Variants in VWC2L observed in about 807,000 individuals in gnomAD.
VWC2L encodes von Willebrand factor C domain containing 2 like, also known as von Willebrand factor C domain-containing protein 2-like.
In VWC2L, 10 loss-of-function variants were observed where a neutral mutation model predicts 21.6. That is an observed-to-expected ratio of 0.46 (90% CI 0.29 to 0.78). The LOEUF (loss-of-function observed/expected upper bound fraction) is 0.78. Ranked by LOEUF, VWC2L falls within the 30% of genes least tolerant of loss-of-function variation. VWC2L has a pLI of 0.10. For synonymous variants in VWC2L, 96 were observed against 94.3 expected, an observed-to-expected ratio of 1.02 and a Z score of -0.10; for missense variants, 209 against 277.1, an observed-to-expected ratio of 0.75 and a Z score of 1.74.
At chr2:214,452,269 C>G (rs1371671787) in intron 3 of VWC2L, among the ~76,000 whole-genome samples, 1 of 152,198 alleles carries the variant, frequency 6.6e-6, no homozygotes, top group African/African-American at 2.4e-5. Context: ...GATCCTCCCA[C>G]CTCAGCCTCC....
At chr2:214,474,991 G>C (rs562508270) in intron 3 of VWC2L, among the ~76,000 whole-genome samples, 2 of 152,244 alleles carry the variant, frequency 1.3e-5, no homozygotes, top group East Asian at 3.9e-4. Context: ...GAGAGAATTA[G>C]GAATCTGGTT....
chr2:214,466,612 C>T (rs921918890), intron 3 of VWC2L, among the ~76,000 whole-genome samples: 4 of 152,164 alleles, frequency 2.6e-5, no homozygotes, highest in Non-Finnish European at 4.4e-5. Flanking sequence ...TTAAAATTGT[C>T]CCATGGTTTA....
intron 2 of VWC2L, among the ~76,000 whole-genome samples, chr2:214,422,011 T>A (rs984369378): frequency 1.4e-5 from 2 of 145,668 alleles, no homozygotes; most frequent in Non-Finnish European, 3.0e-5. Context: ...TGCCTCAGCC[T>A]CCCATGTAGC....
chr2:214,520,299 T>C (rs1215430533), intron 3 of VWC2L, among the ~76,000 whole-genome samples: 1 of 152,304 alleles, frequency 6.6e-6, no homozygotes, highest in Admixed American at 6.5e-5. Context: ...CTATGTAACA[T>C]CATGTCAAAA....
At chr2:214,478,929 C>T (rs1398501539) in intron 3 of VWC2L, among the ~76,000 whole-genome samples, 1 of 152,184 alleles carries the variant, frequency 6.6e-6, no homozygotes, top group East Asian at 1.9e-4. Context: ...TATTTCAAAG[C>T]TCTCACTTCT....
At chr2:214,495,587 C>T (rs576333750) in intron 3 of VWC2L, among the ~76,000 whole-genome samples, 22 of 152,194 alleles carry the variant, frequency 1.4e-4, no homozygotes, top group South Asian at 1.0e-3. Flanking sequence ...TCAGCAGATC[C>T]CTTAGTCTAT....
At chr2:214,496,386 C>G (rs1428752532) in intron 3 of VWC2L, among the ~76,000 whole-genome samples, 1 of 152,082 alleles carries the variant, frequency 6.6e-6, no homozygotes, top group Non-Finnish European at 1.5e-5. Context: ...TTTAAACTCA[C>G]AATAATAGGC....
chr2:214,463,496 G>T (rs1703171660), intron 3 of VWC2L, among the ~76,000 whole-genome samples: 1 of 151,800 alleles, frequency 6.6e-6, no homozygotes, highest in African/African-American at 2.4e-5. Context: ...ATATAGTTGG[G>T]TCTTTCTTTT....
At chr2:214,507,236 G>A (rs1296377893) in intron 3 of VWC2L, among the ~76,000 whole-genome samples, 8 of 152,080 alleles carry the variant, frequency 5.3e-5, no homozygotes, top group Non-Finnish European at 1.0e-4. Context: ...ATTGTTAAGG[G>A]AATCTCTAAT....
chr2:214,447,035 G>A (rs1223654434), intron 3 of VWC2L, among the ~76,000 whole-genome samples: 1 of 152,046 alleles, frequency 6.6e-6, no homozygotes, highest in Non-Finnish European at 1.5e-5. Context: ...CTGATTTCTA[G>A]GATTGTAGAC....
chr2:214,473,043 A>AT (rs531547831), intron 3 of VWC2L, among the ~76,000 whole-genome samples: 450 of 152,318 alleles, frequency 3.0e-3, no homozygotes, highest in Non-Finnish European at 5.0e-3. Context: ...GTTTAGAATT[A>AT]TTTTTGTGAA....
At chr2:214,446,278 C>T (rs1456722276) in intron 3 of VWC2L, among the ~76,000 whole-genome samples, 1 of 152,302 alleles carries the variant, frequency 6.6e-6, no homozygotes, top group Admixed American at 6.5e-5. Context: ...TCAAAGTCTG[C>T]ATCTCTACAA....
intron 3 of VWC2L, among the ~76,000 whole-genome samples, chr2:214,514,235 G>A (rs1689105158): frequency 6.6e-6 from 1 of 150,472 alleles, no homozygotes; most frequent in Admixed American, 6.6e-5. Flanking sequence ...TCATCTAACA[G>A]TAATCTCTGT....
chr2:214,452,754 C>G (rs1273957217), intron 3 of VWC2L, among the ~76,000 whole-genome samples: 1 of 152,076 alleles, frequency 6.6e-6, no homozygotes, highest in East Asian at 1.9e-4. Context: ...TTGGAATTAC[C>G]AGTCTTGTTT....
intron 3 of VWC2L, among the ~76,000 whole-genome samples, chr2:214,453,329 T>C (rs981936447): frequency 6.6e-6 from 1 of 152,238 alleles, no homozygotes; most frequent in East Asian, 1.9e-4. Flanking sequence ...AAGACAACTA[T>C]TCCTTCTCCA....
chr2:214,545,800 A>C (rs1384200895), intron 3 of VWC2L, among the ~76,000 whole-genome samples: 3 of 152,186 alleles, frequency 2.0e-5, no homozygotes, highest in Non-Finnish European at 4.4e-5. Flanking sequence ...CCACAGAGGC[A>C]ACCATAATAT....
chr2:214,539,107 G>A (rs1689587212), intron 3 of VWC2L, among the ~76,000 whole-genome samples: 1 of 152,076 alleles, frequency 6.6e-6, no homozygotes, highest in Admixed American at 6.6e-5. Context: ...AAAAGGCAAC[G>A]TGATGGTGCT....
At chr2:214,565,602 A>G (rs1027821602) in intron 3 of VWC2L, among the ~76,000 whole-genome samples, 4 of 152,208 alleles carry the variant, frequency 2.6e-5, no homozygotes, top group African/African-American at 9.7e-5. Context: ...CATGACATGA[A>G]CAAGATTAAT....
chr2:214,538,437 A>G (rs1185305430), intron 3 of VWC2L, among the ~76,000 whole-genome samples: 1 of 152,052 alleles, frequency 6.6e-6, no homozygotes, highest in African/African-American at 2.4e-5. Flanking sequence ...TTCAACAAAA[A>G]TGTGTTGAGC....
Sources: gnomAD v4.1 joint callset for allele counts (sites outside exome capture counted in the v4.1 genomes callset) on GRCh38, gnomAD v4.1.1 for gene constraint, MANE v1.5 for transcripts, NCBI Gene and HGNC (gene_info 2026-07-23, HGNC 2026-07-21) for gene names.